Variants in HPSE2 observed in about 807,000 individuals in gnomAD.
HPSE2 encodes the protein heparanase 2 (inactive).
A neutral mutation model predicts 60.5 loss-of-function variants in HPSE2; 38 were observed. The ratio of observed to expected loss-of-function variants is 0.63; its 90% CI spans 0.48 to 0.82. The LOEUF (loss-of-function observed/expected upper bound fraction) is 0.82. HPSE2 is among the 40% of genes least tolerant of loss of function. HPSE2 has a pLI of 0.00. For missense variants in HPSE2, 713 were observed against 740.4 expected (o/e 0.96, Z 0.43); for synonymous variants, 295 against 293.2 (o/e 1.01, Z -0.06).
At chr10:98,605,907 T>C (rs1387040022) in intron 9 of HPSE2, among the ~76,000 whole-genome samples, 9 of 152,224 alleles carry the variant, frequency 5.9e-5, no homozygotes, top group Non-Finnish European at 1.2e-4. Context: ...TGAGCGATGC[T>C]CTGCTCTTCC....
the HPSE2 span, among the ~76,000 whole-genome samples, chr10:99,248,525 G>A: frequency 3.3e-5 from 5 of 152,306 alleles, no homozygotes; most frequent in East Asian, 9.6e-4. Flanking sequence ...ATGTAAAACT[G>A]GAACTTATAT....
chr10:98,999,175 G>GTGTC (rs1956719030), intron 3 of HPSE2, among the ~76,000 whole-genome samples: 1 of 151,772 alleles, frequency 6.6e-6, no homozygotes, highest in African/African-American at 2.4e-5. Context: ...GTGTGTGTGT[G>GTGTC]TGTGTGTGTG....
chr10:98,604,303 A>G lies in HPSE2; in HGVS notation c.1320+10601T>C, dbSNP rs1377743604. 5.0e-5 allele frequency among the ~76,000 whole-genome samples: 7 copies of G among 140,768 alleles called. 1 individual carries two copies. The South Asian group carries it at 1.5e-3, about 30-fold the overall frequency. The allele number at this position is 140,768 out of a possible 152,430, so 92.3% of individuals were successfully genotyped here. A position where few individuals can be genotyped will look rare whatever the true frequency, so the allele number is the denominator to read the frequency against. On this transcript the variant is annotated intron_variant, in intron 9 of 11. Transcript: ENST00000370552. ...CAGAGAGATGGATATCCTAAGAAAGAACTAAAAAAAAAAAATGCTAGAGAT... is the reference window on the plus strand; with the variant it reads ...CAGAGAGATGGATATCCTAAGAAAGGACTAAAAAAAAAAAATGCTAGAGAT...
chr10:98,551,919 C>T (rs1478432962), intron 9 of HPSE2, among the ~76,000 whole-genome samples: 1 of 152,006 alleles, frequency 6.6e-6, no homozygotes. Flanking sequence ...AGTCAGTAAC[C>T]CCAGGGGAAC....
chr10:99,110,162 T>C (rs902606118), intron 3 of HPSE2, among the ~76,000 whole-genome samples: 2 of 152,204 alleles, frequency 1.3e-5, no homozygotes, highest in South Asian at 2.1e-4. Context: ...GAAAAAGACA[T>C]GCTCTATAGC....
At chr10:99,143,510 G>A (rs1306777644) in intron 3 of HPSE2, among the ~76,000 whole-genome samples, 1 of 152,068 alleles carries the variant, frequency 6.6e-6, no homozygotes, top group Non-Finnish European at 1.5e-5. Context: ...CTATAACGTA[G>A]GTCTGCCTTA....
rs570834434 is a variant in HPSE2 at position 98,767,052 on chromosome 10, C to T, written c.611-22996G>A. ...TGCTGAGAATATATCCGACAAAATT[C>T]AACATTAATTCATTATTTTAAAAAA... On this transcript the variant is annotated intron_variant, in intron 3 of 11. Coordinates refer to ENST00000370552, the MANE Select transcript of HPSE2 (RefSeq NM_021828.5). Among the ~76,000 whole-genome samples the T allele has an allele frequency of 8.5e-5, 13 of 152,254 alleles. No individual in the cohort carries two copies. In the South Asian group the frequency reaches 2.7e-3, roughly 32 times the overall value.
intron 3 of HPSE2, among the ~76,000 whole-genome samples, chr10:99,017,213 G>A (rs1385384725): frequency 6.6e-6 from 1 of 152,082 alleles, no homozygotes; most frequent in Non-Finnish European, 1.5e-5. Flanking sequence ...TCGATACCTA[G>A]TTTATTGAGT....
chr10:98,546,224 C>T (rs1211178673), intron 9 of HPSE2, among the ~76,000 whole-genome samples: 3 of 138,930 alleles, frequency 2.2e-5, no homozygotes, highest in African/African-American at 7.5e-5. Context: ...AATGGCCATA[C>T]TACCCAAGGT....
chr10:98,492,219 T>G (rs920187848), intron 9 of HPSE2, among the ~76,000 whole-genome samples: 1 of 152,164 alleles, frequency 6.6e-6, no homozygotes, highest in Non-Finnish European at 1.5e-5. Context: ...AAAAAAGAGA[T>G]ATTATGTTTA....
At chr10:99,305,968 C>CGT in the HPSE2 span, among the ~76,000 whole-genome samples, 18 of 105,690 alleles carry the variant, frequency 1.7e-4, no homozygotes, top group East Asian at 4.3e-3. Flanking sequence ...CACACGCGCG[C>CGT]GCGCGCGCGC....
chr10:99,295,068 T>C, the HPSE2 span, among the ~76,000 whole-genome samples: 2 of 152,238 alleles, frequency 1.3e-5, no homozygotes, highest in Non-Finnish European at 2.9e-5. Context: ...ATCTGTTAGA[T>C]GAGAAATGAA....
Position 98,593,089 on chromosome 10 carries a change from A to G in HPSE2, c.1320+21815T>C, listed in dbSNP as rs532752383. 3.3e-5 allele frequency among the ~76,000 whole-genome samples: 5 copies of G among 152,348 alleles called. No individual in the cohort carries two copies. In the South Asian group the frequency reaches 1.0e-3, roughly 32 times the overall value. ...CTTCACTATGTACCTCTTATGTGCT[A>G]GGTACAATAAGTCATAATATTTCCT... is the stretch of plus-strand genomic sequence containing the variant. On this transcript the variant is annotated intron_variant, in intron 9 of 11. Transcript: ENST00000370552.
chr10:98,752,504 C>T (rs1054261286), intron 3 of HPSE2, among the ~76,000 whole-genome samples: 1 of 152,136 alleles, frequency 6.6e-6, no homozygotes, highest in South Asian at 2.1e-4. Flanking sequence ...CTCTTCATTG[C>T]TTTTCAGTAT....
chr10:99,011,495 A>G (rs141754590), intron 3 of HPSE2, among the ~76,000 whole-genome samples: 272 of 152,004 alleles, frequency 1.8e-3, no homozygotes, highest in African/African-American at 6.2e-3. Flanking sequence ...TGGTGGCTCA[A>G]GCCTGTAATC....
intron 2 of HPSE2, among the ~76,000 whole-genome samples, chr10:99,159,232 G>GATT (rs1846721460): frequency 6.6e-6 from 1 of 152,016 alleles, no homozygotes; most frequent in African/African-American, 2.4e-5. Flanking sequence ...TATTTGAAAA[G>GATT]ATTAATACAA....
intron 3 of HPSE2, among the ~76,000 whole-genome samples, chr10:98,779,491 T>C (rs1215021776): frequency 6.6e-6 from 1 of 152,160 alleles, no homozygotes; most frequent in Non-Finnish European, 1.5e-5. Context: ...ATTCAGGGGA[T>C]AGCTCAGGCA....
intron 9 of HPSE2, among the ~76,000 whole-genome samples, chr10:98,512,475 C>G (rs1942442651): frequency 6.6e-6 from 1 of 151,854 alleles, no homozygotes; most frequent in South Asian, 2.1e-4. Context: ...GTCCCAGCTA[C>G]TCGGGAGGCT....
At chr10:98,948,127 G>T (rs1176535249) in intron 3 of HPSE2, among the ~76,000 whole-genome samples, 1 of 152,136 alleles carries the variant, frequency 6.6e-6, no homozygotes, top group African/African-American at 2.4e-5. Flanking sequence ...AGTCTGGAAG[G>T]ATTACAACAT....
Sources: gnomAD v4.1 joint callset for allele counts (sites outside exome capture counted in the v4.1 genomes callset) on GRCh38, gnomAD v4.1.1 for gene constraint, MANE v1.5 for transcripts, NCBI Gene and HGNC (gene_info 2026-07-23, HGNC 2026-07-21) for gene names.